The following PRUNE2 variants were observed in gnomAD, a reference collection of about 807,000 sequenced individuals.
PRUNE2 encodes prune homolog 2 with BCH domain, also known as protein prune homolog 2.
In PRUNE2, 164 loss-of-function variants were observed where a neutral mutation model predicts 252.0. That is an observed-to-expected ratio of 0.65 (90% CI 0.57 to 0.74). The LOEUF (loss-of-function observed/expected upper bound fraction) is 0.74, where lower values mean the gene tolerates loss of function less well. Among genes scored for constraint, PRUNE2 ranks in the 30% least tolerant of loss-of-function variants. The probability of loss-of-function intolerance (pLI) is 0.00; values close to 1 mark genes in which losing one functional copy is unlikely to be tolerated. For synonymous variants in PRUNE2, 1,292 were observed against 1,350.2 expected (o/e 0.96, Z 0.94); for missense variants, 3,495 against 3,711.0 (o/e 0.94, Z 1.51).
intron 6 of PRUNE2, among the ~76,000 whole-genome samples, chr9:76,771,571 C>T (rs944517384): frequency 6.6e-5 from 10 of 152,126 alleles, no homozygotes; most frequent in African/African-American, 2.4e-4. Flanking sequence ...GTAATAATGG[C>T]TACTTTATCA....
At chr9:76,825,135 T>A (rs1290329284) in intron 5 of PRUNE2, among the ~76,000 whole-genome samples, 2 of 152,164 alleles carry the variant, frequency 1.3e-5, no homozygotes, top group Non-Finnish European at 2.9e-5. Context: ...CACTGGAGAA[T>A]TAAGGCCCCC....
chr9:76,703,307 GA>G (rs751833942), intron 9 of PRUNE2, 29 bp downstream of exon 9: 17 of 1,533,996 alleles, frequency 1.1e-5, no homozygotes, highest in Admixed American at 4.4e-5. Flanking sequence ...TGCTTTTCAG[GA>G]AAAAAAATAA....
At chr9:76,629,125 G>T (rs1180935440) in intron 16 of PRUNE2, 67 bp downstream of exon 16, 2 of 961,366 alleles carry the variant, frequency 2.1e-6, no homozygotes, top group Non-Finnish European at 3.2e-6. Context: ...TTACAGGCGT[G>T]AGCCACCACA....
intron 6 of PRUNE2, among the ~76,000 whole-genome samples, chr9:76,749,070 T>G (rs2050385309): frequency 6.6e-6 from 1 of 152,090 alleles, no homozygotes; most frequent in Admixed American, 6.5e-5. Flanking sequence ...AACCTAATAG[T>G]CAGAAGGTAA....
intron 6 of PRUNE2, among the ~76,000 whole-genome samples, chr9:76,776,073 C>T (rs2053701435): frequency 6.6e-6 from 1 of 152,188 alleles, no homozygotes; most frequent in African/African-American, 2.4e-5. Flanking sequence ...ATCTCACGTG[C>T]ACAGAGTAAT....
At chr9:76,817,121 C>T (rs2057742522) in intron 6 of PRUNE2, among the ~76,000 whole-genome samples, 1 of 151,954 alleles carries the variant, frequency 6.6e-6, no homozygotes. Flanking sequence ...AAGAAGAATG[C>T]TAACCAAGGA....
At chr9:76,691,572 T>C (rs1262521624) in intron 9 of PRUNE2, among the ~76,000 whole-genome samples, 3 of 152,166 alleles carry the variant, frequency 2.0e-5, no homozygotes, top group Admixed American at 2.0e-4. Context: ...GACTTAAAGG[T>C]TACAAGATTC....
intron 11 of PRUNE2, among the ~76,000 whole-genome samples, chr9:76,649,612 T>TGATAGATA (rs56889503): frequency 0.24 from 36,487 of 149,802 alleles, 4,657 homozygotes; most frequent in Non-Finnish European, 0.27. Flanking sequence ...GATAGATAGA[T>TGATAGATA]GATAGATAGA....
At chr9:76,615,299 T>TTCTCTTTTATC in intron 18 of PRUNE2, 1 of 929,076 alleles carries the variant, frequency 1.1e-6, no homozygotes, top group Non-Finnish European at 1.3e-6. Context: ...GAATTTCAGT[T>TTCTCTTTTATC]GCGATAAAAG....
chr9:76,655,576 C>T (rs1002301681), intron 9 of PRUNE2, 74 bp from the exon 10 acceptor site: 16 of 1,071,578 alleles, frequency 1.5e-5, no homozygotes, highest in Non-Finnish European at 2.0e-5. Flanking sequence ...AGGAAACCCA[C>T]AGAGTCCAGG....
intron 1 of PRUNE2, among the ~76,000 whole-genome samples, chr9:76,859,840 T>C (rs1198519273): frequency 1.3e-5 from 2 of 152,100 alleles, no homozygotes; most frequent in African/African-American, 4.8e-5. Flanking sequence ...GTAGCTGGGA[T>C]TACAAGTGCC....
At chr9:76,672,473 T>C (rs1465085603) in intron 9 of PRUNE2, among the ~76,000 whole-genome samples, 1 of 135,358 alleles carries the variant, frequency 7.4e-6, no homozygotes, top group African/African-American at 2.8e-5. Context: ...AACAACCCAC[T>C]GTCAACATTA....
intron 15 of PRUNE2, among the ~76,000 whole-genome samples, chr9:76,630,095 T>C (rs1302877655): frequency 6.6e-6 from 1 of 152,128 alleles, no homozygotes; most frequent in Non-Finnish European, 1.5e-5. Context: ...TTCCTGCTAC[T>C]CTGAATAGTC....
intron 6 of PRUNE2, among the ~76,000 whole-genome samples, chr9:76,782,074 C>T (rs981236109): frequency 6.6e-6 from 1 of 152,204 alleles, no homozygotes; most frequent in African/African-American, 2.4e-5. Context: ...ATTAGCCCAG[C>T]GTGGTGGTGG....
intron 17 of PRUNE2, among the ~76,000 whole-genome samples, chr9:76,620,781 GA>G (rs1278681467): frequency 6.6e-6 from 1 of 152,168 alleles, no homozygotes; most frequent in Non-Finnish European, 1.5e-5. Flanking sequence ...ATGGAATCAA[GA>G]AAGGGCAATC....
At chr9:76,628,713 A>C (rs1836060525) in intron 16 of PRUNE2, among the ~76,000 whole-genome samples, 1 of 152,234 alleles carries the variant, frequency 6.6e-6, no homozygotes. Context: ...GATCTAAAAG[A>C]ACACAACAAT....
intron 6 of PRUNE2, among the ~76,000 whole-genome samples, chr9:76,802,027 C>T (rs1539613): frequency 0.29 from 44,568 of 151,914 alleles, 6,760 homozygotes; most frequent in Middle Eastern, 0.41. Context: ...GCAAATCTAA[C>T]ATACTGACAT....
intron 1 of PRUNE2, among the ~76,000 whole-genome samples, chr9:76,897,130 T>C (rs180686932): frequency 1.1e-4 from 16 of 152,192 alleles, no homozygotes; most frequent in Non-Finnish European, 2.4e-4. Context: ...GATTTTAACA[T>C]AAAACAAGCA....
Position 76,706,179 on chromosome 9 carries a change from C to A in PRUNE2, c.6095G>T (p.Gly2032Val), listed in dbSNP as rs1276527192. The A allele has an allele frequency of 1.2e-6, 2 of 1,613,966 alleles. No homozygotes were observed. Among genetic ancestry groups the A allele is most frequent in the Non-Finnish European group, 8.5e-7 (1 of 1,179,870 alleles). Residue 2032 changes from glycine to valine, a missense_variant, in exon 8 of 19, where the codon GGC becomes GTC. Gly to Val is a moderately radical substitution (Grantham distance 109). Coordinates refer to ENST00000376718, the MANE Select transcript of PRUNE2 (RefSeq NM_015225.3). ...SSPTQLIMKP[G>V]SEWDGSTPSE... is the part of the protein sequence containing the mutation. ...TGGGGTAGAGCCATCCCATTCAGAG[C>A]CTGGCTTCATTATCAGTTGGGTGGG...
Sources: allele counts gnomAD v4.1 joint callset (sites outside exome capture counted in the v4.1 genomes callset), GRCh38; gene constraint gnomAD v4.1.1; transcripts MANE v1.5; gene names NCBI Gene and HGNC (gene_info 2026-07-23, HGNC 2026-07-21).